The following GOLGA6L2 variants were observed in gnomAD, a reference collection of about 807,000 sequenced individuals.
GOLGA6L2 encodes golgin subfamily A member 6-like protein 2.
Under a neutral mutation model 35.9 loss-of-function variants are expected in GOLGA6L2, and 30 were observed. The ratio of observed to expected loss-of-function variants is 0.83; its 90% confidence interval spans 0.62 to 1.13. The LOEUF is 1.13. Ranked by LOEUF, GOLGA6L2 falls within the 50% of genes most tolerant of loss-of-function variation. The pLI is 0.00. For missense variants in GOLGA6L2, 821 were observed against 973.4 expected, an observed-to-expected ratio of 0.84 and a Z score of 2.08; for synonymous variants, 297 against 344.0, an observed-to-expected ratio of 0.86 and a Z score of 1.51.
In GOLGA6L2 at chr15:23,444,510, G is replaced by T. The variant is rs1382435446; in HGVS notation, c.214-10C>A. On this transcript the variant is annotated splice_polypyrimidine_tract_variant and intron_variant, in intron 2 of 7. Transcript: ENST00000567107. Reference sequence around the variant, plus strand: ...CTCGGTTCTGTTGTGTCTGTGGGGAGAGTCAAAGGAAGGTGACTGAGGGTG... The same window carrying T: ...CTCGGTTCTGTTGTGTCTGTGGGGATAGTCAAAGGAAGGTGACTGAGGGTG... The T allele has an allele frequency of 1.9e-6, 3 of 1,599,384 alleles. No homozygotes were observed. The highest frequency in any genetic ancestry group is 2.2e-5 in the South Asian group (2 of 91,006).
In GOLGA6L2 at chr15:23,439,712, C is replaced by T. The variant is rs777162061; in HGVS notation, c.*33G>A. 3.9e-6 allele frequency: 6 copies of T among 1,537,220 alleles called. No homozygotes were observed. The highest frequency in any genetic ancestry group is 4.4e-6 in the Non-Finnish European group (5 of 1,147,110). On this transcript the variant is annotated 3_prime_UTR_variant, in exon 8 of 8. Transcript: ENST00000567107. Reference sequence around the variant, plus strand: ...CGGAGAACCCTCCCCAGCCTCTCCTCCTGCAGGCTCCACACTGCCAGTGTG... The same window carrying T: ...CGGAGAACCCTCCCCAGCCTCTCCTTCTGCAGGCTCCACACTGCCAGTGTG...
chr15:23,439,837 T>C lies in GOLGA6L2; in HGVS notation c.2638A>G (p.Thr880Ala), dbSNP rs1337278145. 6.0e-6 allele frequency: 9 copies of C among 1,501,574 alleles called. No individual in the cohort carries two copies. In the Admixed American group the frequency reaches 8.6e-5, roughly 14 times the overall value. The allele number at this position is 1,501,574 out of a possible 1,614,324, so 93.0% of individuals were successfully genotyped here. A position where few individuals can be genotyped will look rare whatever the true frequency, so the allele number is the denominator to read the frequency against. The stretch of plus-strand genomic sequence containing the variant: ...CCTGCATCTTCTCTTTCTGATCTCG[T>C]ATCCTCTCCTCCTTCTCTCGCATCT... ...GGDAREGGED[T>A]RSEREDAGEA... The change falls in exon 8 of 8, where the codon ACG becomes GCG. Residue 880 changes from threonine to alanine, a missense_variant. Coordinates refer to ENST00000567107, the MANE Select transcript of GOLGA6L2 (RefSeq NM_001304388.2).
At position 23,442,618 on chromosome 15, in the gene GOLGA6L2, C is replaced by T; in HGVS notation, c.592-110G>A. The T allele has an allele frequency of 1.7e-5, 17 of 1,014,440 alleles. No homozygotes were observed. The South Asian group carries it at 2.3e-4, about 14-fold the overall frequency. 62.8% of individuals were successfully genotyped at this position (1,014,440 alleles called of 1,614,324 possible). ...ACAGTAACACTCCCTCACTCTCCAT[C>T]ACACCCGACATGTTCTCAAGGCAAT... On this transcript the variant is annotated intron_variant, in intron 5 of 7. Coordinates refer to ENST00000567107, the MANE Select transcript of GOLGA6L2 (RefSeq NM_001304388.2).
At chr15:23,442,595 A>G in intron 5 of GOLGA6L2, 87 bp from the exon 6 acceptor site, 4 of 1,210,996 alleles carry the variant, frequency 3.3e-6, no homozygotes, top group Non-Finnish European at 4.7e-6. Context: ...GATACTCCAC[A>G]GTAACACTCC....
At position 23,439,465 on chromosome 15, in the gene GOLGA6L2, C is replaced by G; in HGVS notation, c.*280G>C. On this transcript the variant is annotated 3_prime_UTR_variant, in exon 8 of 8. Transcript: ENST00000567107. The stretch of plus-strand genomic sequence containing the variant: ...TTCTTTTCTTTTTTTTTTTTTTTTT[C>G]AAGTTTGTGCTCAGACTATATTCAC... 1.9e-4 allele frequency: 44 copies of G among 232,346 alleles called. No homozygotes were observed. Among genetic ancestry groups the G allele is most frequent in the Non-Finnish European group, 2.3e-4 (33 of 143,410 alleles). 14.4% of individuals were successfully genotyped at this position (232,346 alleles called of 1,614,324 possible). A position where few individuals can be genotyped will look rare whatever the true frequency, so the allele number is the denominator to read the frequency against.
chr15:23,439,188 T>C lies in GOLGA6L2; in HGVS notation c.*557A>G. 6.3e-5 allele frequency among the ~76,000 whole-genome samples: 1 copy of C among 15,824 alleles called. No homozygotes were observed. The highest frequency in any genetic ancestry group is 6.7e-4 in the Non-Finnish European group (1 of 1,498). 10.4% of individuals were successfully genotyped at this position (15,824 alleles called of 152,430 possible). ...TTTTTTGAGATGGAATCTCGCTCTG[T>C]CATCCAGGCTGGAATGCGGTGGTGT... On this transcript the variant is annotated 3_prime_UTR_variant, in exon 8 of 8. Transcript: ENST00000567107.
chr15:23,441,834 A>G, intron 7 of GOLGA6L2, 145 bp downstream of exon 7: 4 of 1,350,710 alleles, frequency 3.0e-6, no homozygotes, highest in Non-Finnish European at 2.9e-6. Context: ...TTTTTAGCAC[A>G]CTCTAGAGGA....
chr15:23,440,067 T>A lies in GOLGA6L2; in HGVS notation c.2408A>T (p.Asp803Val). 2 of 1,027,562 alleles carry A rather than the reference T, an allele frequency of 1.9e-6. No individual in the cohort carries two copies. Among genetic ancestry groups the A allele is most frequent in the African/African-American group, 1.8e-5 (1 of 55,446 alleles). 63.7% of individuals were successfully genotyped at this position (1,027,562 alleles called of 1,614,324 possible). ...GGEDVGAGGE[D>V]AGAGGEDAGA... is the part of the protein sequence containing the mutation. ...CGCATCTTCTCCTCCTGCTCCCGCA[T>A]CTTCTCCTCCTGCTCCCACATCTTC... Residue 803 changes from aspartate to valine, a missense_variant, in exon 8 of 8, where the codon GAT (aspartate) becomes GTT (valine). This residue lies in a region of GOLGA6L2 where 99 missense variants were observed against 199.9 expected (regional missense o/e 0.50). Coordinates refer to ENST00000567107, the MANE Select transcript of GOLGA6L2 (RefSeq NM_001304388.2).
At position 23,443,897 on chromosome 15, in the gene GOLGA6L2, G is replaced by C; in HGVS notation, c.471C>G (p.Thr157=). The change falls in exon 5 of 8, where the codon ACC becomes ACG. Residue 157 remains threonine (T), a synonymous_variant. Coordinates refer to ENST00000567107, the MANE Select transcript of GOLGA6L2 (RefSeq NM_001304388.2). ...CCTTGGACTCTCCTGGAATGAGAGA[G>C]GTTGAGACACAGCCCAAAGGACTCC... ...FRGSPLGCVS[T]SLIPGESKDL... The C allele has an allele frequency of 6.5e-7, 1 of 1,544,208 alleles. No individual in the cohort carries two copies. The highest frequency in any genetic ancestry group is 1.2e-5 in the South Asian group (1 of 84,594).
Position 23,445,335 on chromosome 15 carries a change from G to A in GOLGA6L2, c.188C>T (p.Ser63Leu), listed in dbSNP as rs1261189305. The A allele has an allele frequency of 7.4e-6, 3 of 404,784 alleles. 1 individual carries two copies. Among genetic ancestry groups the A allele is most frequent in the Middle Eastern group, 1.5e-3 (2 of 1,368 alleles). 25.1% of individuals were successfully genotyped at this position (404,784 alleles called of 1,614,324 possible). ...ATCCTCAGGTGAATGGCAACCCTCC[G>A]AAGTGGTTGTCTCAGGGTTAGTGCC... ...NNGTNPETTTSEGCHSPEDTQ... is the reference protein window; with the variant it reads ...NNGTNPETTTLEGCHSPEDTQ... Residue 63 changes from serine (S) to leucine (L), a missense_variant, in exon 2 of 8, where the codon TCG (serine) becomes TTG (leucine). Transcript: ENST00000567107.
At chr15:23,444,307 G>A (rs1886723293) in intron 3 of GOLGA6L2, 95 bp from the exon 4 acceptor site, 3 of 1,497,190 alleles carry the variant, frequency 2.0e-6, no homozygotes, top group Non-Finnish European at 2.8e-6. Context: ...CCCAGGACAG[G>A]CGCACCCATG....
chr15:23,443,460 A>G (rs1274598593), intron 5 of GOLGA6L2, among the ~76,000 whole-genome samples: 2 of 151,986 alleles, frequency 1.3e-5, no homozygotes, highest in Non-Finnish European at 2.9e-5. Context: ...TACTAAAGAT[A>G]CTCTTCTGTA....
rs2070675532 is a variant in GOLGA6L2, at chr15:23,441,074, C to A, written c.1401G>T (p.Arg467=). Residue 467 remains arginine, a synonymous_variant, in exon 8 of 8, where the codon CGG becomes CGT. Coordinates refer to ENST00000567107, the MANE Select transcript of GOLGA6L2 (RefSeq NM_001304388.2). The part of the protein sequence containing the change: ...KKMREEEETM[R]EQEEKMQKQE... Reference sequence around the variant, plus strand: ...GCTTCTGCATCTTCTCCTCCTGCTCCCGCATCGTCTCCTCCTCTTCCCGCA... The same window carrying A: ...GCTTCTGCATCTTCTCCTCCTGCTCACGCATCGTCTCCTCCTCTTCCCGCA... 2 of 1,534,012 alleles carry A rather than the reference C, an allele frequency of 1.3e-6. No homozygotes were observed. The highest frequency in any genetic ancestry group is 1.2e-5 in the South Asian group (1 of 83,664).
chr15:23,440,878 T>A lies in GOLGA6L2; in HGVS notation c.1597A>T (p.Met533Leu). The A allele has an allele frequency of 6.8e-7, 1 of 1,476,110 alleles. No individual in the cohort carries two copies. The highest frequency in any genetic ancestry group is 2.2e-5 in the Admixed American group (1 of 45,960). 91.4% of individuals were successfully genotyped at this position (1,476,110 alleles called of 1,614,324 possible). A position where few individuals can be genotyped will look rare whatever the true frequency, so the allele number is the denominator to read the frequency against. ...QEEMWGQEKK[M>L]WRQEKMREQE... is the part of the protein sequence containing the mutation. The stretch of plus-strand genomic sequence containing the variant: ...TCCCGCATCTTCTCCTGCCGCCACA[T>A]CTTCTTCTCCTGCCCCCACATCTCC... Residue 533 changes from methionine to leucine, a missense_variant, in exon 8 of 8, where the codon ATG becomes TTG. Transcript: ENST00000567107.
chr15:23,441,012 C>T lies in GOLGA6L2; in HGVS notation c.1463G>A (p.Trp488Ter). ...ENMWEQEEKE[W>*]QQQRLPEQKE... ...CTGTTCCGGCAGCCTCTGCTGCTGC[C>T]ACTCCTTCTCTTCCTGCTCCCACAT... The change falls in exon 8 of 8, where the codon TGG (tryptophan) becomes TAG (stop). Residue 488 changes from tryptophan (W) to a stop codon, truncating the protein, a stop_gained. Transcript: ENST00000567107. LOFTEE classifies it low-confidence loss of function (END_TRUNC). 1.3e-6 allele frequency: 2 copies of T among 1,534,998 alleles called. No homozygotes were observed. Among genetic ancestry groups the T allele is most frequent in the Non-Finnish European group, 1.8e-6 (2 of 1,142,036 alleles).
At position 23,441,312 on chromosome 15, in the gene GOLGA6L2, T is replaced by A. The variant is rs2070683732; in HGVS notation, c.1163A>T (p.Gln388Leu). 1 of 1,539,282 alleles carries A rather than the reference T, an allele frequency of 6.5e-7. No individual in the cohort carries two copies. The highest frequency in any genetic ancestry group is 1.4e-5 in the African/African-American group (1 of 72,674). Reference sequence around the variant, plus strand: ...CTCTTGGTCCCGCATCTTCTGCTCCTGCTCCCGCATCTGCTTCTCCTGCTC... The same window carrying A: ...CTCTTGGTCCCGCATCTTCTGCTCCAGCTCCCGCATCTGCTTCTCCTGCTC... ...LWEQEKQMRE[Q>L]EQKMRDQEER... The change falls in exon 8 of 8, where the codon CAG becomes CTG. Residue 388 changes from glutamine to leucine, a missense_variant. Transcript: ENST00000567107.
Position 23,439,382 on chromosome 15 carries a change from G to A in GOLGA6L2, c.*363C>T. The A allele has an allele frequency of 2.7e-6, 1 of 372,610 alleles. No homozygotes were observed. Among genetic ancestry groups the A allele is most frequent in the Non-Finnish European group, 4.9e-6 (1 of 202,532 alleles). 23.1% of individuals were successfully genotyped at this position (372,610 alleles called of 1,614,324 possible). A position where few individuals can be genotyped will look rare whatever the true frequency, so the allele number is the denominator to read the frequency against. On this transcript the variant is annotated 3_prime_UTR_variant, in exon 8 of 8. Coordinates refer to ENST00000567107, the MANE Select transcript of GOLGA6L2 (RefSeq NM_001304388.2). ...CCCTCTAGGTCTCCCAAAGTGCTGC[G>A]GTTGTAGGTTTCGGCCACAAGGCCT...
In GOLGA6L2 at chr15:23,444,044, C is replaced by T. The variant is rs527800561; in HGVS notation, c.324G>A (p.Thr108=). ...EAQDHTIRIL[T]CQKTELETAL... Reference sequence around the variant, plus strand: ...CTGTCTCCAGTTCAGTTTTCTGACACGTGAGAATTCGTATTGTATGATCCT... The same window carrying T: ...CTGTCTCCAGTTCAGTTTTCTGACATGTGAGAATTCGTATTGTATGATCCT... Residue 108 remains threonine (T), a synonymous_variant, in exon 5 of 8, where the codon ACG becomes ACA. Coordinates refer to ENST00000567107, the MANE Select transcript of GOLGA6L2 (RefSeq NM_001304388.2). 94 of 1,556,590 alleles carry T rather than the reference C, an allele frequency of 6.0e-5. No individual in the cohort carries two copies. The South Asian group carries it at 9.7e-4, about 16-fold the overall frequency.
Position 23,441,953 on chromosome 15 carries a change from C to T in GOLGA6L2, c.792+26G>A, listed in dbSNP as rs763224027. On this transcript the variant is annotated intron_variant, in intron 7 of 7. Transcript: ENST00000567107. ...TGGTCCTAGCTGGATGGGTCTCCCACAACCCCTGGGGCTGCAGCCGCTCAC... is the reference window on the plus strand; with the variant it reads ...TGGTCCTAGCTGGATGGGTCTCCCATAACCCCTGGGGCTGCAGCCGCTCAC... 4.5e-6 allele frequency: 7 copies of T among 1,539,158 alleles called. No homozygotes were observed. The South Asian group carries it at 8.3e-5, about 18-fold the overall frequency.
Sources: gnomAD v4.1 joint callset for allele counts (sites outside exome capture counted in the v4.1 genomes callset) on GRCh38, gnomAD v4.1.1 for gene constraint, gnomAD v4.1.1 regional missense constraint, MANE v1.5 for transcripts, NCBI Gene and HGNC (gene_info 2026-07-23, HGNC 2026-07-21) for gene names.